ABL1: variants seen among roughly 807,000 people sequenced by gnomAD.
ABL1 encodes the protein ABL proto-oncogene 1, non-receptor tyrosine kinase.
Under a neutral mutation model 94.7 loss-of-function variants are expected in ABL1, and 11 were observed. The observed-to-expected ratio is 0.12, with a 90% CI of 0.07 to 0.19. ABL1 has a LOEUF of 0.19. ABL1 is among the 10% of genes least tolerant of loss of function. The pLI is 1.00. For synonymous variants in ABL1, 656 were observed against 622.4 expected (o/e 1.05, Z -0.80); for missense variants, 1,082 against 1,489.4 (o/e 0.73, Z 4.50).
At chr9:130,859,683 T>A (rs900799446) in intron 3 of ABL1, among the ~76,000 whole-genome samples, 2 of 105,002 alleles carry the variant, frequency 1.9e-5, no homozygotes, top group Admixed American at 1.7e-4. Flanking sequence ...TTTCCTTTTT[T>A]TTTTTTTTTT....
At chr9:130,837,618 C>T (rs1830608855) in intron 1 of ABL1, among the ~76,000 whole-genome samples, 1 of 151,182 alleles carries the variant, frequency 6.6e-6, no homozygotes. Context: ...AGGTGTCACT[C>T]TAGGAATTCT....
intron 1 of ABL1, among the ~76,000 whole-genome samples, chr9:130,766,243 G>A (rs1458116014): frequency 2.6e-5 from 4 of 152,232 alleles, no homozygotes; most frequent in East Asian, 1.9e-4. Context: ...AGGGGCATGC[G>A]GATGACTGGA....
intron 1 of ABL1, among the ~76,000 whole-genome samples, chr9:130,736,164 C>T (rs1831739051): frequency 6.6e-6 from 1 of 151,690 alleles, no homozygotes; most frequent in African/African-American, 2.4e-5. Context: ...CCATGTTGCC[C>T]AGGCTGGTCT....
At chr9:130,730,652 A>C (rs1020882158) in intron 1 of ABL1, among the ~76,000 whole-genome samples, 1 of 151,502 alleles carries the variant, frequency 6.6e-6, no homozygotes, top group African/African-American at 2.4e-5. Context: ...GCTCACTCCA[A>C]CCTTGACCTC....
In ABL1 at chr9:130,884,720, G is replaced by A. The variant is rs529175662; in HGVS notation, c.2430G>A (p.Pro810=). ...TGGAGTCCAGCCCGGGCTCCAGCCC[G>A]CCCAACCTGACTCCAAAACCCCTCC... The part of the protein sequence containing the change: ...DIMESSPGSS[P]PNLTPKPLRR... Residue 810 remains proline, a synonymous_variant, in exon 11 of 11, where the codon CCG becomes CCA. Transcript: ENST00000318560. This position sits in a 1 kb window ranked among gnomAD's most constrained non-coding sequence, Gnocchi z 5.6. 4.0e-5 allele frequency: 64 copies of A among 1,612,492 alleles called. No homozygotes were observed. In the South Asian group the frequency reaches 6.3e-4, roughly 16 times the overall value.
rs192256906 is a variant in ABL1, at chr9:130,824,083, A to G, written c.137-29981A>G. ...ACACAGGAAACAATAGGGTCTGTCTATCGGAATAGATATCCTAAAAGTGTA... is the reference window on the plus strand; with the variant it reads ...ACACAGGAAACAATAGGGTCTGTCTGTCGGAATAGATATCCTAAAAGTGTA... On this transcript the variant is annotated intron_variant, in intron 1 of 10. Transcript: ENST00000372348. Among the ~76,000 whole-genome samples the G allele has an allele frequency of 7.9e-5, 12 of 152,338 alleles. No individual in the cohort carries two copies. In the East Asian group the frequency reaches 2.1e-3, roughly 27 times the overall value.
intron 7 of ABL1, among the ~76,000 whole-genome samples, chr9:130,877,158 A>G (rs1831360035): frequency 6.8e-6 from 1 of 148,038 alleles, no homozygotes; most frequent in Non-Finnish European, 1.5e-5. Flanking sequence ...GTCTTTGGCC[A>G]GTGGGAACTT....
At chr9:130,821,076 C>T (rs1005900909) in intron 1 of ABL1, among the ~76,000 whole-genome samples, 3 of 152,010 alleles carry the variant, frequency 2.0e-5, no homozygotes, top group East Asian at 3.9e-4. Flanking sequence ...ACTACAGGCA[C>T]GTGCCACCAT....
rs2133025478 is a variant in ABL1, at chr9:130,880,777, GC to G, written c.1678+115del. On this transcript the variant is annotated intron_variant, in intron 10 of 10. Transcript: ENST00000318560. This position sits in a 1 kb window ranked among gnomAD's most constrained non-coding sequence, Gnocchi z 4.4. ...TGAATGGAGCCCGCACAGAAGGGCA[GC>G]CATGGCCTTTGTCAATGGTTCAGCT... The G allele has an allele frequency of 1.5e-6, 2 of 1,296,482 alleles. No homozygotes were observed. The highest frequency in any genetic ancestry group is 5.0e-5 in the East Asian group (2 of 40,016). 80.3% of individuals were successfully genotyped at this position (1,296,482 alleles called of 1,614,324 possible).
intron 1 of ABL1, among the ~76,000 whole-genome samples, chr9:130,821,633 G>A (rs929100503): frequency 4.6e-5 from 7 of 150,840 alleles, no homozygotes; most frequent in Admixed American, 4.6e-4. Context: ...CATTTCTCTA[G>A]GGTAGATTTC....
At chr9:130,846,529 C>G (rs916737601) in intron 1 of ABL1, among the ~76,000 whole-genome samples, 6 of 152,334 alleles carry the variant, frequency 3.9e-5, no homozygotes, top group East Asian at 1.9e-4. Flanking sequence ...TCCTGTCCCC[C>G]CCACACTGAA....
At chr9:130,876,145 A>G (rs960843981) in intron 7 of ABL1, among the ~76,000 whole-genome samples, 2 of 151,144 alleles carry the variant, frequency 1.3e-5, no homozygotes, top group Admixed American at 6.6e-5. Flanking sequence ...TTGATTTGCT[A>G]TCGTTTTTTT....
intron 1 of ABL1, among the ~76,000 whole-genome samples, chr9:130,773,707 C>T (rs531700634): frequency 1.4e-5 from 2 of 146,846 alleles, no homozygotes; most frequent in East Asian, 4.1e-4. Context: ...GTCTTAAACT[C>T]ATGGGCTCAA....
At chr9:130,873,065 C>T in intron 6 of ABL1, 28 bp downstream of exon 6, 1 of 1,604,530 alleles carries the variant, frequency 6.2e-7, no homozygotes, top group Non-Finnish European at 8.5e-7. Context: ...CAGCCTGCGC[C>T]ATGGAGTCAC....
intron 1 of ABL1, among the ~76,000 whole-genome samples, chr9:130,744,981 T>TG (rs1831868945): frequency 6.6e-6 from 1 of 152,110 alleles, no homozygotes; most frequent in African/African-American, 2.4e-5. Context: ...TTCGAGGTTT[T>TG]GGGGTAGAAT....
At chr9:130,736,191 A>G (rs1831739182) in intron 1 of ABL1, among the ~76,000 whole-genome samples, 1 of 151,780 alleles carries the variant, frequency 6.6e-6, no homozygotes, top group South Asian at 2.1e-4. Context: ...CCTGGGCTCA[A>G]GTGCCTCCTT....
rs750907802 is a variant in ABL1, at chr9:130,872,196, A to G, written c.890A>G (p.Asn297Ser). 6.2e-7 allele frequency: 1 copy of G among 1,614,018 alleles called. No homozygotes were observed. Among genetic ancestry groups the G allele is most frequent in the Non-Finnish European group, 8.5e-7 (1 of 1,179,916 alleles). Residue 297 changes from asparagine (N) to serine (S), a missense_variant, in exon 5 of 11, where the codon AAC becomes AGC. Asn to Ser is a conservative substitution (Grantham distance 46). Transcript: ENST00000318560. The surrounding 1 kb of genome is among the most constrained non-coding windows in gnomAD (Gnocchi z 5.0). ...GTCATGAAAGAGATCAAACACCCTAACCTGGTGCAGCTCCTTGGTGAGTAA... is the reference window on the plus strand; with the variant it reads ...GTCATGAAAGAGATCAAACACCCTAGCCTGGTGCAGCTCCTTGGTGAGTAA... ...AAVMKEIKHP[N>S]LVQLLGVCTR... is the part of the protein sequence containing the mutation.
At chr9:130,756,828 T>C (rs757960712) in intron 1 of ABL1, among the ~76,000 whole-genome samples, 3 of 152,140 alleles carry the variant, frequency 2.0e-5, no homozygotes, top group Non-Finnish European at 4.4e-5. Flanking sequence ...GGAGAATGTA[T>C]GTCTGAGGGT....
chr9:130,849,453 T>G (rs755067519), intron 1 of ABL1, among the ~76,000 whole-genome samples: 6 of 152,210 alleles, frequency 3.9e-5, no homozygotes, highest in Non-Finnish European at 5.9e-5. Flanking sequence ...ATCTGCAGAT[T>G]TGGCAAGGAA....
Sources: allele counts gnomAD v4.1 joint callset (sites outside exome capture counted in the v4.1 genomes callset), GRCh38; gene constraint gnomAD v4.1.1; non-coding constraint Gnocchi (gnomAD v3.1); transcripts MANE v1.5; gene names NCBI Gene and HGNC (gene_info 2026-07-23, HGNC 2026-07-21).